Variants in INVS observed in about 807,000 individuals in gnomAD.
The protein encoded by INVS is inversion of embryo turning homolog.
INVS carries 86 observed loss-of-function variants against 108.8 expected under a neutral mutation model. The observed-to-expected ratio is 0.79, with a 90% CI of 0.66 to 0.95. The LOEUF (loss-of-function observed/expected upper bound fraction) is 0.95, where lower values mean the gene tolerates loss of function less well. Ranked by LOEUF, INVS falls within the 40% of genes least tolerant of loss-of-function variation. The pLI, the probability that INVS is intolerant of heterozygous loss-of-function variation, is 0.00. For synonymous variants in INVS, 455 were observed against 473.5 expected (o/e 0.96, Z 0.51); for missense variants, 1,169 against 1,297.4 (o/e 0.90, Z 1.52).
At chr9:100,273,902 G>A (rs535720857) in intron 12 of INVS, among the ~76,000 whole-genome samples, 7 of 152,062 alleles carry the variant, frequency 4.6e-5, no homozygotes, top group Middle Eastern at 3.4e-3. Context: ...AATATTGATT[G>A]AATTCTTACT....
chr9:100,222,849 G>A (rs1831196188), intron 3 of INVS, among the ~76,000 whole-genome samples: 1 of 146,038 alleles, frequency 6.8e-6, no homozygotes, highest in Non-Finnish European at 1.5e-5. Context: ...CCAAAGAAAA[G>A]ATGGCAAGAA....
At chr9:100,215,706 G>T (rs1830965267) in intron 3 of INVS, among the ~76,000 whole-genome samples, 1 of 152,188 alleles carries the variant, frequency 6.6e-6, no homozygotes, top group Non-Finnish European at 1.5e-5. Flanking sequence ...AGGCTAATCA[G>T]ATTGGAGCAG....
At chr9:100,284,731 G>A in intron 13 of INVS, 128 bp downstream of exon 13, 1 of 998,486 alleles carries the variant, frequency 1.0e-6, no homozygotes, top group Non-Finnish European at 1.5e-6. Context: ...TTTATGATTT[G>A]TGTTCTACTT....
intron 3 of INVS, among the ~76,000 whole-genome samples, chr9:100,192,929 CAA>C (rs1030602369): frequency 6.6e-6 from 1 of 150,884 alleles, no homozygotes. Context: ...AGACACTAAC[CAA>C]AGTTTTTAAA....
chr9:100,135,727 C>T (rs2118928077), intron 3 of INVS, among the ~76,000 whole-genome samples: 1 of 152,106 alleles, frequency 6.6e-6, no homozygotes, highest in African/African-American at 2.4e-5. Context: ...GAATTTTAGG[C>T]TTCGGTGATA....
intron 8 of INVS, among the ~76,000 whole-genome samples, chr9:100,247,266 G>T (rs144604575): frequency 7.2e-5 from 11 of 152,120 alleles, no homozygotes. Context: ...CCCATTTTTA[G>T]AGAGAACCTC....
chr9:100,115,932 T>C (rs1239912396), intron 2 of INVS, among the ~76,000 whole-genome samples: 1 of 152,166 alleles, frequency 6.6e-6, no homozygotes, highest in East Asian at 1.9e-4. Flanking sequence ...AGTGTTCCTA[T>C]TTCTCCACAT....
intron 5 of INVS, among the ~76,000 whole-genome samples, chr9:100,233,751 G>A (rs540961177): frequency 1.3e-5 from 2 of 152,142 alleles, no homozygotes; most frequent in Non-Finnish European, 2.9e-5. Context: ...GCTTTTTGAT[G>A]TGCTACTGGT....
Position 100,273,023 on chromosome 9 carries a change from C to A in INVS, c.1731C>A (p.Asp577Glu). The change falls in exon 12 of 17, where the codon GAC becomes GAA. Residue 577 changes from aspartate (D) to glutamate (E), a missense_variant. Transcript: ENST00000262457. ...ACAAGGTCAGAAAAGCCTTCCGAGA[C>A]AGGAAAAATCTCCTCATGAAGCATG... is the stretch of plus-strand genomic sequence containing the variant. ...KGYKVRKAFR[D>E]RKNLLMKHEQ... 1.9e-6 allele frequency: 3 copies of A among 1,613,932 alleles called. No individual in the cohort carries two copies. The highest frequency in any genetic ancestry group is 2.5e-6 in the Non-Finnish European group (3 of 1,179,990).
chr9:100,189,508 A>G (rs1424323819), intron 3 of INVS, among the ~76,000 whole-genome samples: 1 of 151,990 alleles, frequency 6.6e-6, no homozygotes, highest in Non-Finnish European at 1.5e-5. Context: ...AATTCAGGAG[A>G]AAATTGTTTA....
In INVS at chr9:100,173,301, C is replaced by T. The variant is rs191022824; in HGVS notation, c.273+46752C>T. Reference sequence around the variant, plus strand: ...TTGGAAGACCGTAAGAAGAGGATAGCACTGGGTGAGTTTCCACTTTTATAA... The same window carrying T: ...TTGGAAGACCGTAAGAAGAGGATAGTACTGGGTGAGTTTCCACTTTTATAA... On this transcript the variant is annotated intron_variant, in intron 3 of 16. Coordinates refer to ENST00000262457, the MANE Select transcript of INVS (RefSeq NM_014425.5). Among the ~76,000 whole-genome samples the T allele has an allele frequency of 1.1e-4, 16 of 152,304 alleles. No individual in the cohort carries two copies. In the East Asian group the frequency reaches 3.1e-3, roughly 29 times the overall value.
chr9:100,283,886 A>T (rs946658883), intron 12 of INVS, among the ~76,000 whole-genome samples: 3 of 152,080 alleles, frequency 2.0e-5, no homozygotes, highest in African/African-American at 7.2e-5. Context: ...GGGCTTTTTT[A>T]AATGAATAGA....
intron 3 of INVS, among the ~76,000 whole-genome samples, chr9:100,202,804 T>A (rs1346797337): frequency 6.6e-6 from 1 of 152,160 alleles, no homozygotes; most frequent in Non-Finnish European, 1.5e-5. Context: ...ATAAATTTAG[T>A]CTCCTTAGAC....
At chr9:100,113,270 T>C (rs1175964343) in intron 2 of INVS, among the ~76,000 whole-genome samples, 1 of 150,926 alleles carries the variant, frequency 6.6e-6, no homozygotes, top group Non-Finnish European at 1.5e-5. Context: ...TGTTATTATA[T>C]GTGTTGAATC....
chr9:100,242,163 A>G (rs559917639), intron 6 of INVS, among the ~76,000 whole-genome samples: 1 of 152,338 alleles, frequency 6.6e-6, no homozygotes, highest in Admixed American at 6.5e-5. Context: ...ACAGTTATGC[A>G]GTTCTGTTTG....
At chr9:100,222,153 C>A (rs960776819) in intron 3 of INVS, among the ~76,000 whole-genome samples, 3 of 152,102 alleles carry the variant, frequency 2.0e-5, no homozygotes, top group Non-Finnish European at 4.4e-5. Flanking sequence ...TATCTTGGGC[C>A]ATTCTTGGTT....
intron 3 of INVS, among the ~76,000 whole-genome samples, chr9:100,221,033 A>G (rs148979264): frequency 6.6e-6 from 1 of 152,298 alleles, no homozygotes; most frequent in East Asian, 1.9e-4. Context: ...CATTATAAGA[A>G]TATTCTCAAA....
chr9:100,180,975 A>G (rs1829870866), intron 3 of INVS, among the ~76,000 whole-genome samples: 1 of 152,204 alleles, frequency 6.6e-6, no homozygotes, highest in Non-Finnish European at 1.5e-5. Flanking sequence ...CTGGTTCAAC[A>G]TACACAAATC....
chr9:100,192,478 A>C (rs1382173003), intron 3 of INVS, among the ~76,000 whole-genome samples: 2 of 152,182 alleles, frequency 1.3e-5, no homozygotes, highest in Non-Finnish European at 2.9e-5. Flanking sequence ...TACAGTCTTT[A>C]GCTATTATGA....
Sources: gnomAD v4.1 joint callset for allele counts (sites outside exome capture counted in the v4.1 genomes callset) on GRCh38, gnomAD v4.1.1 for gene constraint, MANE v1.5 for transcripts, NCBI Gene and HGNC (gene_info 2026-07-23, HGNC 2026-07-21) for gene names.